The following DDX52 variants were observed in gnomAD, a reference collection of about 807,000 sequenced individuals.
DDX52 encodes DExD-box helicase 52.
DDX52 carries 59 observed loss-of-function variants against 76.1 expected under a neutral mutation model. The ratio of observed to expected loss-of-function variants is 0.78; its 90% CI spans 0.63 to 0.96. DDX52 has a LOEUF of 0.96. Ranked by LOEUF, DDX52 falls within the 40% of genes least tolerant of loss-of-function variation. The pLI is 0.00. For missense variants in DDX52, 707 were observed against 703.9 expected, an observed-to-expected ratio of 1.00 and a Z score of -0.05; for synonymous variants, 231 against 244.1, an observed-to-expected ratio of 0.95 and a Z score of 0.50.
chr17:37,630,088 G>A lies in DDX52; in HGVS notation c.689C>T (p.Pro230Leu). The change falls in exon 5 of 15, where the codon CCC (proline) becomes CTC (leucine). Residue 230 changes from proline to leucine, a missense_variant. Coordinates refer to ENST00000617633, the MANE Select transcript of DDX52 (RefSeq NM_007010.5). ...CAGGGCTCTGAAGCCTTTATTTGCG[G>A]GTTGTTTCAGCTGCATTAAAATAGG... ...SIPILMQLKQ[P>L]ANKGFRALII... 6.2e-7 allele frequency: 1 copy of A among 1,613,940 alleles called. No homozygotes were observed. The highest frequency in any genetic ancestry group is 8.5e-7 in the Non-Finnish European group (1 of 1,179,954).
At chr17:37,634,647 A>G (rs528416375) in intron 2 of DDX52, among the ~76,000 whole-genome samples, 3 of 152,122 alleles carry the variant, frequency 2.0e-5, no homozygotes, top group South Asian at 4.2e-4. Flanking sequence ...AATAAATAGC[A>G]ATGAACATAA....
At chr17:37,627,027 T>C (rs2030417329) in intron 6 of DDX52, among the ~76,000 whole-genome samples, 167 bp from the exon 7 acceptor site, 1 of 152,126 alleles carries the variant, frequency 6.6e-6, no homozygotes, top group South Asian at 2.1e-4. Flanking sequence ...CTGAGCAGCT[T>C]TCTCTTTCTT....
chr17:37,626,397 A>T (rs547776161), intron 7 of DDX52, among the ~76,000 whole-genome samples: 1 of 152,048 alleles, frequency 6.6e-6, no homozygotes, highest in Non-Finnish European at 1.5e-5. Context: ...ACCATGTAAG[A>T]TATGTCTTGC....
At chr17:37,626,211 G>T in intron 7 of DDX52, 113 bp from the exon 8 acceptor site, 2 of 1,124,316 alleles carry the variant, frequency 1.8e-6, no homozygotes, top group Non-Finnish European at 2.5e-6. Flanking sequence ...CTGCTTCTCA[G>T]ATCCACTTTA....
Position 37,630,046 on chromosome 17 carries a change from C to T in DDX52, c.731G>A (p.Arg244Gln), listed in dbSNP as rs1165532003. The T allele has an allele frequency of 1.2e-6, 2 of 1,611,012 alleles. No homozygotes were observed. The highest frequency in any genetic ancestry group is 1.7e-6 in the Non-Finnish European group (2 of 1,179,282). Residue 244 changes from arginine (R) to glutamine (Q), a missense_variant, in exon 5 of 15, where the codon CGA becomes CAA. Coordinates refer to ENST00000617633, the MANE Select transcript of DDX52 (RefSeq NM_007010.5). ...GFRALIISPTRELASQIHREL... is the reference protein window; with the variant it reads ...GFRALIISPTQELASQIHREL... The stretch of plus-strand genomic sequence containing the variant: ...AAGTCATACCTGGCTGGCAAGTTCT[C>T]GTGTTGGTGATATAATCAGGGCTCT...
chr17:37,626,667 C>T, intron 7 of DDX52, 121 bp downstream of exon 7: 1 of 917,562 alleles, frequency 1.1e-6, no homozygotes, highest in Non-Finnish European at 1.7e-6. Flanking sequence ...TTCTCAGTGC[C>T]AACACTGACT....
In DDX52 at chr17:37,628,596, GC is replaced by G; in HGVS notation, c.823del (p.Ala275ProfsTer16). The G allele has an allele frequency of 6.2e-7, 1 of 1,612,080 alleles. No individual in the cohort carries two copies. Among genetic ancestry groups the G allele is most frequent in the Non-Finnish European group, 8.5e-7 (1 of 1,179,372 alleles). On this transcript the variant is annotated frameshift_variant, in exon 6 of 15. Transcript: ENST00000617633. LOFTEE classifies it high-confidence loss of function. Reference sequence around the variant, plus strand: ...AGATGATTTAGGTCCAAATTTCTTGGCTGCCACTGCTGCTTTGTGGATCATG... The same window carrying G: ...AGATGATTTAGGTCCAAATTTCTTGGTGCCACTGCTGCTTTGTGGATCATG... ...IHMIHKAAVA[A>X]KKFGPKSSKK...
In DDX52 at chr17:37,643,168, A is replaced by G. The variant is rs185822566; in HGVS notation, c.87+166T>C. The G allele has an allele frequency of 1.7e-4, 111 of 635,102 alleles. No individual in the cohort carries two copies. In the African/African-American group the frequency reaches 1.9e-3, roughly 11 times the overall value. 39.3% of individuals were successfully genotyped at this position (635,102 alleles called of 1,614,324 possible). A position where few individuals can be genotyped will look rare whatever the true frequency, so the allele number is the denominator to read the frequency against. On this transcript the variant is annotated intron_variant, in intron 1 of 14. Transcript: ENST00000617633. ...GAGCTTATTCAAAAGGCTTGAACCG[A>G]GCAGCCGTGCAGGCAAGCCGAACAC...
At chr17:37,632,390 C>T (rs2030725134) in intron 3 of DDX52, 92 bp from the exon 4 acceptor site, 2 of 1,420,838 alleles carry the variant, frequency 1.4e-6, no homozygotes, top group South Asian at 1.3e-5. Context: ...TCTGGGATAA[C>T]CTTTAGCAGC....
At position 37,637,530 on chromosome 17, in the gene DDX52, C is replaced by T. The variant is rs1191644101; in HGVS notation, c.287-4112G>A. ...CTACCTCAGCTTCCCAAAGCACTGG[C>T]ATTATAGGTGAGCCACTGCTCCTGG... On this transcript the variant is annotated intron_variant, in intron 2 of 14. Coordinates refer to ENST00000617633, the MANE Select transcript of DDX52 (RefSeq NM_007010.5). Among the ~76,000 whole-genome samples, 3 of 152,024 alleles carry T rather than the reference C, an allele frequency of 2.0e-5. No homozygotes were observed. In the East Asian group the frequency reaches 5.8e-4, roughly 29 times the overall value.
At chr17:37,639,334 C>A in intron 2 of DDX52, 1 of 953,590 alleles carries the variant, frequency 1.0e-6, no homozygotes, top group Non-Finnish European at 1.2e-6. Context: ...TGGAAGGCAT[C>A]GCAAAGTAGA....
Position 37,614,041 on chromosome 17 carries a change from TTG to T in DDX52, c.*253_*254del, listed in dbSNP as rs2147329503. On this transcript the variant is annotated 3_prime_UTR_variant, in exon 15 of 15. Transcript: ENST00000617633. ...TACTCAGGAGGCTAAGGCAGGAGGA[TTG>T]TGTGAGGTCAGGAGTTCAAGACCAG... 1 of 385,634 alleles carries T rather than the reference TTG, an allele frequency of 2.6e-6. No individual in the cohort carries two copies. Among genetic ancestry groups the T allele is most frequent in the Admixed American group, 4.5e-5 (1 of 22,002 alleles). The allele number at this position is 385,634 out of a possible 1,614,324, so 23.9% of individuals were successfully genotyped here. A position where few individuals can be genotyped will look rare whatever the true frequency, so the allele number is the denominator to read the frequency against.
intron 6 of DDX52, among the ~76,000 whole-genome samples, chr17:37,627,410 T>A (rs192742959): frequency 8.5e-5 from 13 of 152,094 alleles, no homozygotes; most frequent in African/African-American, 3.1e-4. Context: ...GGTAAATTTT[T>A]TTTTTACTTT....
chr17:37,638,575 AC>A (rs2031036418), intron 2 of DDX52, among the ~76,000 whole-genome samples: 2 of 152,222 alleles, frequency 1.3e-5, no homozygotes, highest in African/African-American at 4.8e-5. Context: ...TGGTATTAAG[AC>A]AATTAGTCAA....
Position 37,619,822 on chromosome 17 carries a change from T to C in DDX52, c.1595A>G (p.Gln532Arg), listed in dbSNP as rs1392185570. ...PLLRSVANVI[Q>R]QAGCPVPEYI... ...TTCTGGTACAGGACACCCAGCCTGC[T>C]GTATAACATTAGCAACGCTGAAAAA... is the stretch of plus-strand genomic sequence containing the variant. The change falls in exon 13 of 15, where the codon CAG becomes CGG. Residue 532 changes from glutamine (Q) to arginine (R), a missense_variant. Physicochemically the swap from Gln to Arg is conservative, Grantham distance 43. Coordinates refer to ENST00000617633, the MANE Select transcript of DDX52 (RefSeq NM_007010.5). 1 of 1,613,890 alleles carries C rather than the reference T, an allele frequency of 6.2e-7. No homozygotes were observed.
chr17:37,634,449 T>TGA (rs1243887608), intron 2 of DDX52, among the ~76,000 whole-genome samples: 3 of 151,452 alleles, frequency 2.0e-5, no homozygotes, highest in African/African-American at 7.3e-5. Flanking sequence ...CTGGACAACA[T>TGA]GATGAAACCC....
intron 9 of DDX52, 100 bp downstream of exon 9, chr17:37,624,244 A>G: frequency 1.3e-6 from 1 of 767,994 alleles, no homozygotes; most frequent in East Asian, 2.7e-5. Flanking sequence ...AATACGAGCC[A>G]AGATGATGAT....
Position 37,611,163 on chromosome 17 carries a change from A to C in DDX52, c.*3133T>G, listed in dbSNP as rs1032575844. On this transcript the variant is annotated 3_prime_UTR_variant, in exon 15 of 15. Transcript: ENST00000617633. The stretch of plus-strand genomic sequence containing the variant: ...TGTGATGCTTTAGCATCATGGCCTT[A>C]CATCTAACAGAGCACTTGCCACACT... 1 of 152,180 alleles carries C rather than the reference A, an allele frequency of 6.6e-6. No individual in the cohort carries two copies. The highest frequency in any genetic ancestry group is 1.5e-5 in the Non-Finnish European group (1 of 68,016). The allele number at this position is 152,180 out of a possible 1,614,324, so 9.4% of individuals were successfully genotyped here.
Position 37,642,243 on chromosome 17 carries a change from G to A in DDX52, c.153C>T (p.Asn51=), listed in dbSNP as rs760846292. 1.9e-6 allele frequency: 3 copies of A among 1,613,826 alleles called. No homozygotes were observed. Among genetic ancestry groups the A allele is most frequent in the Middle Eastern group, 1.6e-4 (1 of 6,062 alleles). The part of the protein sequence containing the change: ...EVLQGLDFFG[N]KKSVPGVCGA... ...CACACACACCTGGGACAGACTTCTT[G>A]TTTCCAAAAAAGTCCAGTCCCTGAA... Residue 51 remains asparagine (N), a synonymous_variant, in exon 2 of 15, where the codon AAC becomes AAT. Coordinates refer to ENST00000617633, the MANE Select transcript of DDX52 (RefSeq NM_007010.5).
Sources: allele counts gnomAD v4.1 joint callset (sites outside exome capture counted in the v4.1 genomes callset), GRCh38; gene constraint gnomAD v4.1.1; transcripts MANE v1.5; gene names NCBI Gene and HGNC (gene_info 2026-07-23, HGNC 2026-07-21).